Variants in BNC2 observed in about 807,000 individuals in gnomAD.
The protein encoded by BNC2 is zinc finger protein basonuclin-2.
Under a neutral mutation model 76.3 loss-of-function variants are expected in BNC2, and 20 were observed. The observed-to-expected ratio is 0.26, with a 90% CI of 0.18 to 0.38. BNC2 has a LOEUF of 0.38. Among genes scored for constraint, BNC2 ranks in the 10% least tolerant of loss-of-function variants. The pLI, the probability that BNC2 is intolerant of heterozygous loss-of-function variation, is 1.00. For missense variants in BNC2, 1,382 were observed against 1,399.8 expected, an observed-to-expected ratio of 0.99 and a Z score of 0.20; for synonymous variants, 582 against 514.8, an observed-to-expected ratio of 1.13 and a Z score of -1.77.
At position 16,573,686 on chromosome 9, in the gene BNC2, C is replaced by T. The variant is rs77507772; in HGVS notation, c.433+9297G>A. On this transcript the variant is annotated intron_variant, in intron 4 of 6. Coordinates refer to ENST00000380672, the MANE Select transcript of BNC2 (RefSeq NM_017637.6). The stretch of plus-strand genomic sequence containing the variant: ...GGGGATCTCCCTGGGTACCAGGGAG[C>T]AGCTGAACGAAGAGAGGAATCTCAC... 7.5e-3 allele frequency among the ~76,000 whole-genome samples: 1,145 copies of T among 152,112 alleles called. 35 individuals are homozygous for T. The South Asian group carries it at 0.097, about 13-fold the overall frequency.
chr9:16,657,868 T>C (rs191207149), intron 3 of BNC2, among the ~76,000 whole-genome samples: 5 of 152,204 alleles, frequency 3.3e-5, no homozygotes, highest in African/African-American at 9.7e-5. Context: ...TTGGGATACA[T>C]AGGTGTGTTG....
intron 5 of BNC2, among the ~76,000 whole-genome samples, chr9:16,507,344 A>G (rs1822652469): frequency 1.5e-5 from 2 of 132,410 alleles, no homozygotes; most frequent in South Asian, 2.3e-4. Context: ...GGCTCAGCCT[A>G]CGCCTCCTGG....
intron 1 of BNC2, among the ~76,000 whole-genome samples, chr9:16,753,672 A>G (rs961309174): frequency 1.3e-5 from 2 of 152,210 alleles, no homozygotes; most frequent in Non-Finnish European, 2.9e-5. Flanking sequence ...TAGACAATAA[A>G]AGCATATTCC....
At chr9:16,858,468 T>A (rs1226759542) in intron 1 of BNC2, among the ~76,000 whole-genome samples, 1 of 152,206 alleles carries the variant, frequency 6.6e-6, no homozygotes, top group East Asian at 1.9e-4. Flanking sequence ...TTTACTCTTC[T>A]GAGGATCAGA....
At chr9:16,750,011 G>A (rs749058540) in intron 1 of BNC2, among the ~76,000 whole-genome samples, 15 of 152,176 alleles carry the variant, frequency 9.9e-5, no homozygotes, top group Non-Finnish European at 1.6e-4. Flanking sequence ...TACACTGCAT[G>A]CATTTACACT....
At chr9:16,741,767 G>A (rs1179122142) in intron 1 of BNC2, among the ~76,000 whole-genome samples, 1 of 152,008 alleles carries the variant, frequency 6.6e-6, no homozygotes. Flanking sequence ...AGACCAGCCT[G>A]GCCAACGTGG....
chr9:16,447,445 A>C (rs1490495913), intron 5 of BNC2, among the ~76,000 whole-genome samples: 3 of 152,158 alleles, frequency 2.0e-5, no homozygotes, highest in Non-Finnish European at 4.4e-5. Flanking sequence ...CACTTTAATT[A>C]AAATGTTAAA....
chr9:16,432,265 ATG>A (rs923360045), intron 6 of BNC2, among the ~76,000 whole-genome samples: 2 of 152,190 alleles, frequency 1.3e-5, no homozygotes, highest in Non-Finnish European at 2.9e-5. Flanking sequence ...CAAATCTTGC[ATG>A]TGTCTCTCCC....
chr9:16,413,543 G>A lies in BNC2; in HGVS notation c.*5446C>T, dbSNP rs1297705192. 1 of 152,180 alleles carries A rather than the reference G, an allele frequency of 6.6e-6. No individual in the cohort carries two copies. The highest frequency in any genetic ancestry group is 1.5e-5 in the Non-Finnish European group (1 of 68,040). 9.4% of individuals were successfully genotyped at this position (152,180 alleles called of 1,614,324 possible). On this transcript the variant is annotated 3_prime_UTR_variant, in exon 7 of 7. Transcript: ENST00000380672. ...GAAAATCATTTTGCGCAAGATGTGGGAAGGATGAGGATGATGAAACTACAC... is the reference window on the plus strand; with the variant it reads ...GAAAATCATTTTGCGCAAGATGTGGAAAGGATGAGGATGATGAAACTACAC...
Position 16,552,625 on chromosome 9 carries a change from G to A in BNC2, c.574C>T (p.Arg192Cys). ...TCTTGCTTCAGGACGCTGAAGAGACGGTCCAGCAGGATCTTTAGCCGCACA... is the reference window on the plus strand; with the variant it reads ...TCTTGCTTCAGGACGCTGAAGAGACAGTCCAGCAGGATCTTTAGCCGCACA... The part of the protein sequence containing the change: ...VPVRLKILLD[R>C]LFSVLKQEEV... The change falls in exon 5 of 7, where the codon CGT becomes TGT. Residue 192 changes from arginine to cysteine, a missense_variant. Coordinates refer to ENST00000380672, the MANE Select transcript of BNC2 (RefSeq NM_017637.6). The A allele has an allele frequency of 1.2e-6, 2 of 1,614,206 alleles. No homozygotes were observed. The highest frequency in any genetic ancestry group is 8.5e-7 in the Non-Finnish European group (1 of 1,180,034).
chr9:16,849,182 G>T (rs1029782217), intron 1 of BNC2, among the ~76,000 whole-genome samples: 25 of 151,814 alleles, frequency 1.6e-4, no homozygotes, highest in African/African-American at 5.3e-4. Flanking sequence ...AGCTTTCCTG[G>T]AGTCAAATTT....
intron 3 of BNC2, among the ~76,000 whole-genome samples, chr9:16,634,812 T>C (rs768754305): frequency 6.6e-6 from 1 of 152,060 alleles, no homozygotes; most frequent in Non-Finnish European, 1.5e-5. Context: ...AAATACCTCA[T>C]TCTTAAACCC....
At chr9:16,716,072 C>T (rs916426833) in intron 3 of BNC2, among the ~76,000 whole-genome samples, 1 of 152,302 alleles carries the variant, frequency 6.6e-6, no homozygotes, top group Admixed American at 6.5e-5. Context: ...GGTTTTCAAT[C>T]AGCCACCTAT....
chr9:16,456,172 T>C (rs953745114), intron 5 of BNC2, among the ~76,000 whole-genome samples: 1 of 152,138 alleles, frequency 6.6e-6, no homozygotes, highest in African/African-American at 2.4e-5. Context: ...ATTTCACTAA[T>C]GAAAAGAAGG....
intron 1 of BNC2, among the ~76,000 whole-genome samples, chr9:16,853,118 A>G (rs1371859478): frequency 2.6e-5 from 4 of 152,186 alleles, no homozygotes; most frequent in Non-Finnish European, 4.4e-5. Context: ...GCCACTTAGA[A>G]GATACAATAG....
chr9:16,842,202 G>A (rs1818848531), intron 1 of BNC2, among the ~76,000 whole-genome samples: 1 of 152,100 alleles, frequency 6.6e-6, no homozygotes, highest in African/African-American at 2.4e-5. Flanking sequence ...ATGATTTTTA[G>A]TATCTTGCAA....
chr9:16,427,908 G>A (rs1486527029), intron 6 of BNC2, among the ~76,000 whole-genome samples: 1 of 152,204 alleles, frequency 6.6e-6, no homozygotes. Flanking sequence ...CACCCGTCAT[G>A]AGAATATAGT....
intron 3 of BNC2, among the ~76,000 whole-genome samples, chr9:16,643,044 T>TA: frequency 6.6e-6 from 1 of 152,296 alleles, no homozygotes; most frequent in Non-Finnish European, 1.5e-5. Context: ...AAGTGCTCCC[T>TA]AAACTGAGCT....
intron 1 of BNC2, among the ~76,000 whole-genome samples, chr9:16,747,712 T>C (rs1825052517): frequency 6.6e-6 from 1 of 152,204 alleles, no homozygotes; most frequent in South Asian, 2.1e-4. Flanking sequence ...TCTGAAAAGG[T>C]GCTGCCTATT....
Sources: allele counts gnomAD v4.1 joint callset (sites outside exome capture counted in the v4.1 genomes callset), GRCh38; gene constraint gnomAD v4.1.1; transcripts MANE v1.5; gene names NCBI Gene and HGNC (gene_info 2026-07-23, HGNC 2026-07-21).